The following EXOC6B variants were observed in gnomAD, a reference collection of about 807,000 sequenced individuals.
The protein encoded by EXOC6B is SEC15 homolog B.
EXOC6B carries 54 observed loss-of-function variants against 113.5 expected under a neutral mutation model. The observed-to-expected ratio is 0.48, with a 90% CI of 0.38 to 0.60. The LOEUF (loss-of-function observed/expected upper bound fraction) is 0.60. Among genes scored for constraint, EXOC6B ranks in the 20% least tolerant of loss-of-function variants. The pLI is 0.00. For missense variants in EXOC6B, 797 were observed against 977.5 expected (o/e 0.82, Z 2.46); for synonymous variants, 357 against 339.0 (o/e 1.05, Z -0.58).
chr2:72,790,172 A>G (rs1684598033), intron 1 of EXOC6B, among the ~76,000 whole-genome samples: 1 of 152,204 alleles, frequency 6.6e-6, no homozygotes, highest in Admixed American at 6.5e-5. Flanking sequence ...AGCCTCTAAC[A>G]CAAAAAACAC....
At chr2:72,350,900 C>T (rs1689613640) in intron 19 of EXOC6B, among the ~76,000 whole-genome samples, 2 of 152,142 alleles carry the variant, frequency 1.3e-5, no homozygotes, top group South Asian at 4.2e-4. Flanking sequence ...ATCAGCATTT[C>T]AAGTATTAAA....
chr2:72,241,741 T>A (rs1348425909), intron 20 of EXOC6B, among the ~76,000 whole-genome samples: 2 of 152,036 alleles, frequency 1.3e-5, no homozygotes. Flanking sequence ...AATCCACCAA[T>A]AAAGAATTCT....
intron 18 of EXOC6B, among the ~76,000 whole-genome samples, chr2:72,456,423 A>G (rs1697237910): frequency 6.6e-6 from 1 of 152,170 alleles, no homozygotes; most frequent in Admixed American, 6.6e-5. Flanking sequence ...AAACTCCATA[A>G]AAACTTACTA....
At chr2:72,649,022 C>T (rs529550958) in intron 6 of EXOC6B, among the ~76,000 whole-genome samples, 1 of 152,246 alleles carries the variant, frequency 6.6e-6, no homozygotes, top group African/African-American at 2.4e-5. Flanking sequence ...CACCTGTAGT[C>T]CCAGCTACTC....
intron 19 of EXOC6B, among the ~76,000 whole-genome samples, chr2:72,359,979 A>G (rs1157532717): frequency 1.3e-5 from 2 of 152,116 alleles, no homozygotes; most frequent in Admixed American, 1.3e-4. Flanking sequence ...CCATGAGTAG[A>G]AGCTTACTGA....
rs991497788 is a variant in EXOC6B, at chr2:72,740,099, T to C, written c.279+1205A>G. ...ATTTGATAGCTTCATGTGATTTAGG[T>C]CATGAAACTATCTATAATCAATTGA... On this transcript the variant is annotated intron_variant, in intron 2 of 21. Transcript: ENST00000272427. 2.6e-5 allele frequency among the ~76,000 whole-genome samples: 4 copies of C among 152,290 alleles called. No homozygotes were observed. The South Asian group carries it at 8.3e-4, about 32-fold the overall frequency.
At chr2:72,700,237 A>AACAC (rs3034948) in intron 6 of EXOC6B, among the ~76,000 whole-genome samples, 7,692 of 141,942 alleles carry the variant, frequency 0.054, 404 homozygotes, top group African/African-American at 0.14. Context: ...AGACCACAGA[A>AACAC]ACACACACAC....
chr2:72,688,497 C>A (rs1677245936), intron 6 of EXOC6B, among the ~76,000 whole-genome samples: 1 of 152,006 alleles, frequency 6.6e-6, no homozygotes, highest in African/African-American at 2.4e-5. Context: ...TATTTATACA[C>A]CAGCTTCCAT....
intron 20 of EXOC6B, among the ~76,000 whole-genome samples, chr2:72,245,555 C>T (rs1682598341): frequency 6.6e-6 from 1 of 152,112 alleles, no homozygotes; most frequent in African/African-American, 2.4e-5. Context: ...TGAAAAATGC[C>T]AATCTGAAAA....
At chr2:72,725,423 ACT>A (rs1680240968) in intron 5 of EXOC6B, among the ~76,000 whole-genome samples, 1 of 151,782 alleles carries the variant, frequency 6.6e-6, no homozygotes, top group Non-Finnish European at 1.5e-5. Flanking sequence ...ACAGACTCTC[ACT>A]CTGTCGCCCA....
intron 5 of EXOC6B, among the ~76,000 whole-genome samples, chr2:72,729,725 C>T (rs1680520280): frequency 1.3e-5 from 2 of 151,892 alleles, no homozygotes; most frequent in Non-Finnish European, 2.9e-5. Flanking sequence ...GAACCTGGCT[C>T]ATGGGTGATT....
At chr2:72,786,975 T>C (rs548856433) in intron 1 of EXOC6B, among the ~76,000 whole-genome samples, 2 of 152,296 alleles carry the variant, frequency 1.3e-5, no homozygotes, top group East Asian at 1.9e-4. Context: ...CCAAATTGTA[T>C]GGCTTATGAA....
chr2:72,685,735 A>G (rs1573620724), intron 6 of EXOC6B, among the ~76,000 whole-genome samples: 1 of 152,210 alleles, frequency 6.6e-6, no homozygotes, highest in African/African-American at 2.4e-5. Flanking sequence ...GGAAGACATT[A>G]AAGTATTCGC....
At chr2:72,555,575 T>C (rs1245612245) in intron 8 of EXOC6B, among the ~76,000 whole-genome samples, 1 of 152,218 alleles carries the variant, frequency 6.6e-6, no homozygotes, top group East Asian at 1.9e-4. Context: ...TGTCTGTTCA[T>C]ATCCTTTGCC....
intron 8 of EXOC6B, among the ~76,000 whole-genome samples, chr2:72,555,031 T>C (rs1013056213): frequency 1.3e-5 from 2 of 152,174 alleles, no homozygotes; most frequent in African/African-American, 4.8e-5. Context: ...TTGTGATAGT[T>C]TGCTTAGAAT....
chr2:72,441,670 C>CA (rs1045090825), intron 18 of EXOC6B, among the ~76,000 whole-genome samples: 1 of 152,174 alleles, frequency 6.6e-6, no homozygotes, highest in African/African-American at 2.4e-5. Context: ...TGGACACATA[C>CA]ACCCTCACAA....
intron 6 of EXOC6B, among the ~76,000 whole-genome samples, chr2:72,685,473 T>C (rs1177565626): frequency 1.3e-5 from 2 of 152,164 alleles, no homozygotes; most frequent in Non-Finnish European, 2.9e-5. Flanking sequence ...GGACAGTCAC[T>C]GATGCAAAGC....
In EXOC6B at chr2:72,770,451, T is replaced by C. The variant is rs189603844; in HGVS notation, c.114-28982A>G. On this transcript the variant is annotated intron_variant, in intron 1 of 21. Coordinates refer to ENST00000272427, the MANE Select transcript of EXOC6B (RefSeq NM_015189.3). ...TACAGCTCATCTGTCACATATTATG[T>C]AACATCCCAGTAAGATCTTAAGCAT... Among the ~76,000 whole-genome samples the C allele has an allele frequency of 3.6e-3, 542 of 152,334 alleles. 2 individuals carry two copies. The highest frequency in any genetic ancestry group is 6.5e-3 in the Non-Finnish European group (440 of 68,024).
chr2:72,332,602 T>A (rs1688472495), intron 20 of EXOC6B, among the ~76,000 whole-genome samples: 1 of 151,982 alleles, frequency 6.6e-6, no homozygotes, highest in South Asian at 2.1e-4. Context: ...TGTCCTAAGG[T>A]GGAACTTGCT....
Sources: gnomAD v4.1 joint callset for allele counts (sites outside exome capture counted in the v4.1 genomes callset) on GRCh38, gnomAD v4.1.1 for gene constraint, MANE v1.5 for transcripts, NCBI Gene and HGNC (gene_info 2026-07-23, HGNC 2026-07-21) for gene names.